The following KIAA1217 variants were observed in gnomAD, a reference collection of about 807,000 sequenced individuals.
The protein encoded by KIAA1217 is sickle tail protein homolog.
KIAA1217 carries 88 observed loss-of-function variants against 163.9 expected under a neutral mutation model. The observed-to-expected ratio is 0.54, with a 90% confidence interval of 0.45 to 0.64. The LOEUF (loss-of-function observed/expected upper bound fraction) is 0.64. Ranked by LOEUF, KIAA1217 falls within the 30% of genes least tolerant of loss-of-function variation. The pLI, the probability that KIAA1217 is intolerant of heterozygous loss-of-function variation, is 0.00. For synonymous variants in KIAA1217, 903 were observed against 923.1 expected, an observed-to-expected ratio of 0.98 and a Z score of 0.39; for missense variants, 2,372 against 2,475.0, an observed-to-expected ratio of 0.96 and a Z score of 0.88.
chr10:24,306,484 C>T (rs924181690), intron 2 of KIAA1217, among the ~76,000 whole-genome samples: 7 of 152,210 alleles, frequency 4.6e-5, no homozygotes, highest in East Asian at 1.9e-4. Flanking sequence ...AGAAATCCTG[C>T]ACTCATGAAT....
intron 2 of KIAA1217, among the ~76,000 whole-genome samples, chr10:24,264,826 T>TCC (rs1205020623): frequency 6.6e-6 from 1 of 151,320 alleles, no homozygotes; most frequent in Non-Finnish European, 1.5e-5. Flanking sequence ...TCTCTCTCTC[T>TCC]CCCTTTCTCC....
chr10:23,922,359 T>C (rs1249355577), intron 1 of KIAA1217, among the ~76,000 whole-genome samples: 5 of 152,172 alleles, frequency 3.3e-5, no homozygotes, highest in African/African-American at 1.2e-4. Flanking sequence ...AATAAACCAG[T>C]AAATGTAAGT....
At chr10:24,143,004 C>T (rs546473648) in intron 2 of KIAA1217, among the ~76,000 whole-genome samples, 7 of 152,260 alleles carry the variant, frequency 4.6e-5, no homozygotes, top group South Asian at 2.1e-4. Flanking sequence ...AGCAGAAGGG[C>T]GGAGAGGACA....
chr10:24,083,180 T>C (rs1308043038), intron 2 of KIAA1217, among the ~76,000 whole-genome samples: 1 of 152,192 alleles, frequency 6.6e-6, no homozygotes, highest in Non-Finnish European at 1.5e-5. Flanking sequence ...AATCAACCTT[T>C]TGTAGAGGAG....
rs543222852 is a variant in KIAA1217 at position 23,821,136 on chromosome 10, T to A, written c.-321+125902T>A. Among the ~76,000 whole-genome samples, 56 of 149,040 alleles carry A rather than the reference T, an allele frequency of 3.8e-4. 1 individual carries two copies. Among genetic ancestry groups the A allele is most frequent in the Admixed American group, 4.7e-4 (7 of 14,920 alleles). Reference sequence around the variant, plus strand: ...GTGTGTGTGTGTGTGTGTGTGTGTGTGATACTAAGTGAAGAGAAAGTAAAT... The same window carrying A: ...GTGTGTGTGTGTGTGTGTGTGTGTGAGATACTAAGTGAAGAGAAAGTAAAT... On this transcript the variant is annotated intron_variant, in intron 1 of 18. Transcript: ENST00000376462.
At chr10:24,224,585 G>A (rs2070189266) in intron 2 of KIAA1217, among the ~76,000 whole-genome samples, 1 of 152,060 alleles carries the variant, frequency 6.6e-6, no homozygotes, top group Non-Finnish European at 1.5e-5. Context: ...CTCCCAAAGT[G>A]TTGGGATTAC....
chr10:23,996,491 A>G (rs1846489796), intron 1 of KIAA1217, among the ~76,000 whole-genome samples: 1 of 152,164 alleles, frequency 6.6e-6, no homozygotes, highest in Non-Finnish European at 1.5e-5. Flanking sequence ...TTTACTGTGT[A>G]TCCAACACCT....
chr10:24,513,349 G>A lies in KIAA1217; in HGVS notation c.2092G>A (p.Asp698Asn). 2 of 1,614,186 alleles carry A rather than the reference G, an allele frequency of 1.2e-6. No individual in the cohort carries two copies. Among genetic ancestry groups the A allele is most frequent in the Non-Finnish European group, 1.7e-6 (2 of 1,180,036 alleles). The change falls in exon 10 of 21, where the codon GAT (aspartate) becomes AAT (asparagine). Residue 698 changes from aspartate (D) to asparagine (N), a missense_variant. Transcript: ENST00000376454. Reference protein sequence around the residue: ...KVMETMKRLEDPVQRQRVLVE... With the variant: ...KVMETMKRLENPVQRQRVLVE... Reference sequence around the variant, plus strand: ...GATGGAAACAATGAAGAGACTGGAGGATCCCGTGCAGCGACAGCGCGTCCT... The same window carrying A: ...GATGGAAACAATGAAGAGACTGGAGAATCCCGTGCAGCGACAGCGCGTCCT...
chr10:23,938,180 G>A (rs763808315), intron 1 of KIAA1217, among the ~76,000 whole-genome samples: 22 of 152,108 alleles, frequency 1.4e-4, no homozygotes, highest in Non-Finnish European at 2.6e-4. Flanking sequence ...CAGAGCTCAC[G>A]CAAGACTTGG....
intron 1 of KIAA1217, among the ~76,000 whole-genome samples, chr10:23,918,188 G>A: frequency 1.4e-5 from 2 of 138,284 alleles, no homozygotes; most frequent in African/African-American, 2.7e-5. Flanking sequence ...ATAGGGTCTT[G>A]CTTCATTCCC....
chr10:24,206,729 T>G (rs1309166782), upstream of KIAA1217, among the ~76,000 whole-genome samples: 1 of 152,246 alleles, frequency 6.6e-6, no homozygotes, highest in Non-Finnish European at 1.5e-5. Context: ...TCATGTTAAT[T>G]CTCTTCCCCC....
At chr10:23,882,481 G>A (rs1840993844) in intron 1 of KIAA1217, among the ~76,000 whole-genome samples, 3 of 151,770 alleles carry the variant, frequency 2.0e-5, no homozygotes, top group Admixed American at 6.6e-5. Flanking sequence ...TGGGAAACAC[G>A]GTTTTACACT....
intron 2 of KIAA1217, among the ~76,000 whole-genome samples, chr10:24,203,190 A>C (rs1395067920): frequency 1.3e-5 from 2 of 152,040 alleles, no homozygotes; most frequent in Non-Finnish European, 2.9e-5. Context: ...TTGTCAAAAA[A>C]AAAAAAAAGA....
intron 4 of KIAA1217, among the ~76,000 whole-genome samples, chr10:24,437,906 CAA>C (rs58645832): frequency 0.097 from 6,146 of 63,380 alleles, 103 homozygotes; most frequent in East Asian, 0.22. Context: ...TGTTTGAAGG[CAA>C]AAAAAAAAAA....
chr10:24,017,425 A>G (rs145959377), intron 2 of KIAA1217, among the ~76,000 whole-genome samples: 2 of 152,208 alleles, frequency 1.3e-5, no homozygotes, highest in Non-Finnish European at 2.9e-5. Flanking sequence ...ACTATAAAAA[A>G]TTCCTTCCCC....
At chr10:24,103,667 A>C (rs979751907) in intron 2 of KIAA1217, among the ~76,000 whole-genome samples, 1 of 152,188 alleles carries the variant, frequency 6.6e-6, no homozygotes, top group Non-Finnish European at 1.5e-5. Context: ...TCATTAGAGA[A>C]ATGCAAATTA....
intron 2 of KIAA1217, among the ~76,000 whole-genome samples, chr10:24,222,761 C>T (rs921208218): frequency 2.6e-5 from 4 of 152,154 alleles, no homozygotes; most frequent in African/African-American, 4.8e-5. Context: ...CCACCTACCT[C>T]GGCCTCCCAA....
At chr10:24,519,365 A>G (rs1238062061) in intron 10 of KIAA1217, among the ~76,000 whole-genome samples, 1 of 152,094 alleles carries the variant, frequency 6.6e-6, no homozygotes. Flanking sequence ...CCCTCTATCC[A>G]CAGACACCAC....
rs769797460 is a variant in KIAA1217 at position 23,918,733 on chromosome 10, T to TATAC, written c.-320-88491_-320-88490insTACA. ...GTGTGATCTTTAAGAATTAAATATA[T>TATAC]ACACACACACACACACACACACACA... On this transcript the variant is annotated intron_variant, in intron 1 of 18. Transcript: ENST00000376462. Among the ~76,000 whole-genome samples, 778 of 147,582 alleles carry TATAC rather than the reference T, an allele frequency of 5.3e-3. 7 individuals are homozygous for TATAC. Among genetic ancestry groups the TATAC allele is most frequent in the African/African-American group, 0.015 (615 of 40,032 alleles).
Sources: allele counts gnomAD v4.1 joint callset (sites outside exome capture counted in the v4.1 genomes callset), GRCh38; gene constraint gnomAD v4.1.1; transcripts MANE v1.5; gene names NCBI Gene and HGNC (gene_info 2026-07-23, HGNC 2026-07-21).